The following CNGB3 variants were observed in gnomAD, a reference collection of about 807,000 sequenced individuals.
The protein encoded by CNGB3 is cyclic nucleotide gated channel subunit beta 3.
A neutral mutation model predicts 92.8 loss-of-function variants in CNGB3; 86 were observed. That is an observed-to-expected ratio of 0.93 (90% confidence interval 0.78 to 1.11). The LOEUF is 1.11. Ranked by LOEUF, CNGB3 falls within the 50% of genes least tolerant of loss-of-function variation. The pLI is 0.00. For synonymous variants in CNGB3, 333 were observed against 332.7 expected (o/e 1.00, Z -0.01); for missense variants, 1,026 against 956.8 (o/e 1.07, Z -0.95).
At chr8:86,734,157 C>T (rs547898800) in intron 2 of CNGB3, among the ~76,000 whole-genome samples, 2 of 152,248 alleles carry the variant, frequency 1.3e-5, no homozygotes, top group African/African-American at 2.4e-5. Flanking sequence ...CGTGCCTGGC[C>T]AGCTTTATTA....
At chr8:86,704,491 T>TA (rs1370805480) in intron 3 of CNGB3, 2 of 152,198 alleles carry the variant, frequency 1.3e-5, no homozygotes, top group Non-Finnish European at 2.9e-5. Context: ...CTAGGGATGA[T>TA]AAAAACATGG....
At chr8:86,583,562 C>T (rs1383808258) in intron 15 of CNGB3, among the ~76,000 whole-genome samples, 1 of 152,118 alleles carries the variant, frequency 6.6e-6, no homozygotes, top group African/African-American at 2.4e-5. Flanking sequence ...CTCATGGCTT[C>T]AAACTTGGCC....
At chr8:86,655,450 G>A (rs1300118349) in intron 6 of CNGB3, among the ~76,000 whole-genome samples, 3 of 152,194 alleles carry the variant, frequency 2.0e-5, no homozygotes, top group Non-Finnish European at 4.4e-5. Context: ...AAATGCGTCA[G>A]AGGGATGCCT....
At chr8:86,724,738 G>T (rs1825029324) in intron 3 of CNGB3, among the ~76,000 whole-genome samples, 1 of 152,108 alleles carries the variant, frequency 6.6e-6, no homozygotes, top group Non-Finnish European at 1.5e-5. Flanking sequence ...TGGTCATATT[G>T]TTATCTGAAG....
At chr8:86,597,811 C>T (rs1010975382) in intron 15 of CNGB3, among the ~76,000 whole-genome samples, 3 of 151,992 alleles carry the variant, frequency 2.0e-5, no homozygotes, top group African/African-American at 7.2e-5. Context: ...GAAACCCCGT[C>T]TCTACAAAAA....
chr8:86,699,033 G>T (rs1280619323), intron 3 of CNGB3, among the ~76,000 whole-genome samples: 2 of 152,058 alleles, frequency 1.3e-5, no homozygotes, highest in African/African-American at 2.4e-5. Context: ...TAGGTGCTGG[G>T]TTTATTTTTT....
In CNGB3 at chr8:86,650,297, C is replaced by T. The variant is rs1585992686; in HGVS notation, c.904-2410G>A. Among the ~76,000 whole-genome samples, 3 of 151,618 alleles carry T rather than the reference C, an allele frequency of 2.0e-5. No homozygotes were observed. The East Asian group carries it at 5.8e-4, about 29-fold the overall frequency. On this transcript the variant is annotated intron_variant, in intron 7 of 17. Transcript: ENST00000320005. ...TCCCCTCTCAACTCCTCTATGATTA[C>T]AGTCATTAGTCATTAGCCATTTTAA...
chr8:86,589,923 A>G (rs902485845), intron 15 of CNGB3, among the ~76,000 whole-genome samples: 1 of 151,116 alleles, frequency 6.6e-6, no homozygotes. Flanking sequence ...TGATCTGTCT[A>G]ATGTTGACAG....
At position 86,583,500 on chromosome 8, in the gene CNGB3, C is replaced by A. The variant is rs575923659; in HGVS notation, c.1782-4248G>T. ...AAAGAAAATGGAATCATATAAAATGCCCAAAGCCAGAGAAGGAAGGAAAAA... is the reference window on the plus strand; with the variant it reads ...AAAGAAAATGGAATCATATAAAATGACCAAAGCCAGAGAAGGAAGGAAAAA... On this transcript the variant is annotated intron_variant, in intron 15 of 17. Transcript: ENST00000320005. Among the ~76,000 whole-genome samples, 18 of 152,042 alleles carry A rather than the reference C, an allele frequency of 1.2e-4. 1 individual carries two copies. In the South Asian group the frequency reaches 3.7e-3, roughly 32 times the overall value.
chr8:86,654,845 C>T (rs990420284), intron 6 of CNGB3, among the ~76,000 whole-genome samples: 2 of 152,272 alleles, frequency 1.3e-5, no homozygotes, highest in East Asian at 3.9e-4. Flanking sequence ...CTTTTCTCAT[C>T]ATACTTGCTT....
intron 10 of CNGB3, 121 bp downstream of exon 10, chr8:86,643,630 G>A (rs1823234229): frequency 2.8e-6 from 3 of 1,053,666 alleles, no homozygotes; most frequent in South Asian, 2.7e-5. Context: ...TGGCCAAATA[G>A]CATTTACCAG....
At chr8:86,727,700 A>G (rs1825085074) in intron 2 of CNGB3, among the ~76,000 whole-genome samples, 1 of 152,144 alleles carries the variant, frequency 6.6e-6, no homozygotes, top group Non-Finnish European at 1.5e-5. Flanking sequence ...AAAAATAAGA[A>G]CGAATACAAT....
chr8:86,657,808 AT>A (rs1284835704), intron 6 of CNGB3: 40 of 502,766 alleles, frequency 8.0e-5, no homozygotes, highest in Non-Finnish European at 1.5e-4. Context: ...CTGCTGATGT[AT>A]TCCTTCTGGT....
At chr8:86,674,907 C>T (rs571579600) in intron 3 of CNGB3, among the ~76,000 whole-genome samples, 2 of 151,490 alleles carry the variant, frequency 1.3e-5, no homozygotes, top group East Asian at 3.9e-4. Context: ...GTGTGCAACA[C>T]CACACCTGTC....
chr8:86,620,637 G>T (rs75698326), intron 13 of CNGB3, among the ~76,000 whole-genome samples: 3,007 of 152,172 alleles, frequency 0.02, 100 homozygotes, highest in African/African-American at 0.068. Context: ...CATCCTTCTA[G>T]GTCCCACACC....
chr8:86,643,978 G>A, intron 9 of CNGB3, 105 bp from the exon 10 acceptor site: 1 of 1,256,722 alleles, frequency 8.0e-7, no homozygotes. Context: ...CCTTGCTTTG[G>A]ATTTGTGAAC....
chr8:86,664,615 C>T (rs1265070396), intron 6 of CNGB3, among the ~76,000 whole-genome samples: 1 of 152,196 alleles, frequency 6.6e-6, no homozygotes, highest in Admixed American at 6.5e-5. Context: ...TGACAATAAA[C>T]TTCCCTCAAC....
rs777623754 is a variant in CNGB3 at position 86,626,057 on chromosome 8, G to A, written c.1504C>T (p.Leu502=). 2 of 1,613,434 alleles carry A rather than the reference G, an allele frequency of 1.2e-6. No individual in the cohort carries two copies. The highest frequency in any genetic ancestry group is 3.3e-5 in the Admixed American group (2 of 59,966). The change falls in exon 13 of 18, where the codon CTA becomes TTA. Residue 502 remains leucine, a synonymous_variant. Coordinates refer to ENST00000320005, the MANE Select transcript of CNGB3 (RefSeq NM_019098.5). ...AGGGCTAACTGGACCGTAGTTGGTA[G>A]GGTCTTAAGCAAATCAGACTCATCT... ...MLDESDLLKT[L]PTTVQLALAI...
At chr8:86,700,306 C>G (rs188617154) in intron 3 of CNGB3, among the ~76,000 whole-genome samples, 1 of 151,922 alleles carries the variant, frequency 6.6e-6, no homozygotes, top group Non-Finnish European at 1.5e-5. Context: ...AAATATATTG[C>G]CTGCCATTTT....
Sources: allele counts gnomAD v4.1 joint callset (sites outside exome capture counted in the v4.1 genomes callset), GRCh38; gene constraint gnomAD v4.1.1; transcripts MANE v1.5; gene names NCBI Gene and HGNC (gene_info 2026-07-23, HGNC 2026-07-21).